Variants in MED27 observed in about 807,000 individuals in gnomAD.
MED27 encodes mediator of RNA polymerase II transcription subunit 27.
A neutral mutation model predicts 38.2 loss-of-function variants in MED27; 30 were observed. The ratio of observed to expected loss-of-function variants is 0.79; its 90% confidence interval spans 0.59 to 1.07. MED27 has a LOEUF of 1.07. Among genes scored for constraint, MED27 ranks in the 50% least tolerant of loss-of-function variants. MED27 has a pLI of 0.00. For missense variants in MED27, 289 were observed against 397.5 expected (o/e 0.73, Z 2.32); for synonymous variants, 122 against 153.5 (o/e 0.79, Z 1.52).
chr9:131,892,875 T>G (rs1361041534), intron 5 of MED27, among the ~76,000 whole-genome samples: 1 of 152,218 alleles, frequency 6.6e-6, no homozygotes, highest in African/African-American at 2.4e-5. Flanking sequence ...AATGATTTGG[T>G]ATCAACGAGG....
chr9:131,895,057 G>A (rs747931453), intron 4 of MED27, among the ~76,000 whole-genome samples: 5 of 152,140 alleles, frequency 3.3e-5, no homozygotes, highest in Non-Finnish European at 7.3e-5. Context: ...CTCGCCAGAC[G>A]GTGAAGCAGA....
At chr9:131,996,954 T>C (rs1206317375) in intron 3 of MED27, among the ~76,000 whole-genome samples, 1 of 152,250 alleles carries the variant, frequency 6.6e-6, no homozygotes, top group Non-Finnish European at 1.5e-5. Context: ...TAATCAACTA[T>C]GCCATTGGTA....
intron 3 of MED27, among the ~76,000 whole-genome samples, chr9:132,007,888 C>A (rs1162237773): frequency 6.6e-6 from 1 of 151,904 alleles, no homozygotes; most frequent in Non-Finnish European, 1.5e-5. Flanking sequence ...TGCCCTTAAT[C>A]AAGCAGACAG....
chr9:131,885,836 T>C (rs1051882547), intron 5 of MED27, among the ~76,000 whole-genome samples: 2 of 152,124 alleles, frequency 1.3e-5, no homozygotes, highest in African/African-American at 2.4e-5. Flanking sequence ...GAGAAAGCCA[T>C]CACTGTGTCC....
chr9:132,023,624 G>A (rs1832761775), intron 2 of MED27, among the ~76,000 whole-genome samples: 1 of 152,088 alleles, frequency 6.6e-6, no homozygotes, highest in African/African-American at 2.4e-5. Context: ...GGAGACACCT[G>A]GCTACAAATC....
chr9:132,076,768 C>CT, intron 2 of MED27, among the ~76,000 whole-genome samples: 1 of 152,322 alleles, frequency 6.6e-6, no homozygotes, highest in South Asian at 2.1e-4. Flanking sequence ...ACAAAAGGAA[C>CT]TTGTTAGTAA....
chr9:132,044,119 A>AG (rs545277885), intron 2 of MED27, among the ~76,000 whole-genome samples: 51 of 152,286 alleles, frequency 3.3e-4, no homozygotes, highest in African/African-American at 1.1e-3. Flanking sequence ...AGAGGGACAA[A>AG]GGGTAGATGG....
At chr9:132,075,764 A>C (rs1407610778) in intron 2 of MED27, among the ~76,000 whole-genome samples, 2 of 152,178 alleles carry the variant, frequency 1.3e-5, no homozygotes, top group African/African-American at 4.8e-5. Flanking sequence ...AACTTTACCC[A>C]TGGAATACAT....
At chr9:131,951,382 A>G (rs1278652484) in intron 3 of MED27, among the ~76,000 whole-genome samples, 1 of 152,240 alleles carries the variant, frequency 6.6e-6, no homozygotes, top group Non-Finnish European at 1.5e-5. Context: ...GGCACAGGCC[A>G]TATTTCTCCC....
intron 3 of MED27, among the ~76,000 whole-genome samples, chr9:132,000,961 G>A (rs568437372): frequency 6.6e-6 from 1 of 152,158 alleles, no homozygotes; most frequent in Admixed American, 6.5e-5. Flanking sequence ...TTAGTCAGGT[G>A]TGGTGACACA....
rs1340710431 is a variant in MED27 at position 132,051,354 on chromosome 9, T to A, written c.348+26088A>T. ...GGATTAACCCAAATGCCAAATGTACTTTGTTCTGAAGTCTAACTACGTTGG... is the reference window on the plus strand; with the variant it reads ...GGATTAACCCAAATGCCAAATGTACATTGTTCTGAAGTCTAACTACGTTGG... On this transcript the variant is annotated intron_variant, in intron 2 of 7. Coordinates refer to ENST00000292035, the MANE Select transcript of MED27 (RefSeq NM_004269.4). This position sits in a 1 kb window ranked among gnomAD's most constrained non-coding sequence, Gnocchi z 4.2. Among the ~76,000 whole-genome samples, 2 of 152,180 alleles carry A rather than the reference T, an allele frequency of 1.3e-5. No homozygotes were observed. Among genetic ancestry groups the A allele is most frequent in the Non-Finnish European group, 2.9e-5 (2 of 68,026 alleles).
At chr9:131,993,008 T>C (rs556287266) in intron 3 of MED27, among the ~76,000 whole-genome samples, 2 of 152,292 alleles carry the variant, frequency 1.3e-5, no homozygotes, top group South Asian at 2.1e-4. Flanking sequence ...GGCACACATA[T>C]GGGGCATGGG....
chr9:131,940,070 C>T (rs1056020043), intron 3 of MED27, among the ~76,000 whole-genome samples: 1 of 151,866 alleles, frequency 6.6e-6, no homozygotes, highest in African/African-American at 2.4e-5. Flanking sequence ...CCACACCTGG[C>T]TACTTTTTAT....
At chr9:131,934,849 G>A (rs1427177867) in intron 4 of MED27, among the ~76,000 whole-genome samples, 2 of 152,134 alleles carry the variant, frequency 1.3e-5, no homozygotes, top group Non-Finnish European at 2.9e-5. Context: ...AGAAAATGTG[G>A]TACATATACA....
intron 6 of MED27, among the ~76,000 whole-genome samples, chr9:131,882,738 C>A (rs1455837392): frequency 6.6e-6 from 1 of 152,164 alleles, no homozygotes; most frequent in East Asian, 1.9e-4. Context: ...GTTTCCCCTA[C>A]AAAGGCTTCC....
At chr9:132,018,235 T>C (rs533462936) in intron 2 of MED27, among the ~76,000 whole-genome samples, 14 of 152,330 alleles carry the variant, frequency 9.2e-5, no homozygotes, top group African/African-American at 2.9e-4. Context: ...ACTTAACAAA[T>C]CTTTTTCTGT....
At chr9:131,962,824 A>G (rs905000020) in intron 3 of MED27, among the ~76,000 whole-genome samples, 3 of 152,330 alleles carry the variant, frequency 2.0e-5, no homozygotes, top group African/African-American at 7.2e-5. Flanking sequence ...ATCCTGTTAA[A>G]TAAATTTTTG....
At chr9:132,060,778 G>A (rs1444373745) in intron 2 of MED27, among the ~76,000 whole-genome samples, 3 of 152,088 alleles carry the variant, frequency 2.0e-5, no homozygotes, top group African/African-American at 2.4e-5. Flanking sequence ...GTGAGATCCC[G>A]CCTCTACTAA....
rs148452815 is a variant in MED27, at chr9:131,940,947, G to C, written c.480-1473C>G. Among the ~76,000 whole-genome samples, 21 of 152,222 alleles carry C rather than the reference G, an allele frequency of 1.4e-4. No homozygotes were observed. The East Asian group carries it at 2.3e-3, about 17-fold the overall frequency. On this transcript the variant is annotated intron_variant, in intron 3 of 7. Coordinates refer to ENST00000292035, the MANE Select transcript of MED27 (RefSeq NM_004269.4). Reference sequence around the variant, plus strand: ...AGCATGAGAACTGGCACATATAAAGGACTCAAAAATTTTAAGTGCCCTGAT... The same window carrying C: ...AGCATGAGAACTGGCACATATAAAGCACTCAAAAATTTTAAGTGCCCTGAT...
Sources: gnomAD v4.1 joint callset for allele counts (sites outside exome capture counted in the v4.1 genomes callset) on GRCh38, gnomAD v4.1.1 for gene constraint, Gnocchi (gnomAD v3.1) non-coding constraint, MANE v1.5 for transcripts, NCBI Gene and HGNC (gene_info 2026-07-23, HGNC 2026-07-21) for gene names.